Variants in TNN observed in about 807,000 individuals in gnomAD.
TNN encodes tenascin-N.
A neutral mutation model predicts 134.4 loss-of-function variants in TNN; 122 were observed. That is an observed-to-expected ratio of 0.91 (90% CI 0.78 to 1.06). TNN has a LOEUF of 1.06. Ranked by LOEUF, TNN falls within the 50% of genes least tolerant of loss-of-function variation. The probability of loss-of-function intolerance (pLI) is 0.00; values close to 1 mark genes in which losing one functional copy is unlikely to be tolerated. For synonymous variants in TNN, 710 were observed against 670.3 expected (o/e 1.06, Z -0.91); for missense variants, 1,739 against 1,699.4 (o/e 1.02, Z -0.41).
chr1:175,096,053 A>G (rs1419473773), intron 7 of TNN, among the ~76,000 whole-genome samples: 4 of 152,234 alleles, frequency 2.6e-5, no homozygotes, highest in Admixed American at 2.6e-4. Flanking sequence ...TGGCATTCAC[A>G]ATCCTCTGGG....
intron 11 of TNN, among the ~76,000 whole-genome samples, chr1:175,120,600 T>G (rs905465113): frequency 6.6e-6 from 1 of 152,162 alleles, no homozygotes; most frequent in Non-Finnish European, 1.5e-5. Flanking sequence ...AGAGGCATGA[T>G]GAAAGTCAGG....
chr1:175,076,787 A>C (rs1200683473), intron 1 of TNN, among the ~76,000 whole-genome samples: 1 of 152,062 alleles, frequency 6.6e-6, no homozygotes, highest in Non-Finnish European at 1.5e-5. Flanking sequence ...CTGGGGTCAG[A>C]TTGCCTGGGT....
At chr1:175,135,313 A>G (rs1452583685) in intron 15 of TNN, among the ~76,000 whole-genome samples, 1 of 152,230 alleles carries the variant, frequency 6.6e-6, no homozygotes, top group Non-Finnish European at 1.5e-5. Flanking sequence ...TATCTTGCAT[A>G]TTGCCTAGTA....
intron 1 of TNN, among the ~76,000 whole-genome samples, chr1:175,075,460 C>A (rs1442436398): frequency 2.0e-5 from 3 of 152,092 alleles, no homozygotes; most frequent in African/African-American, 2.4e-5. Context: ...CCACACCTGG[C>A]TAATTTTTGT....
intron 11 of TNN, 118 bp downstream of exon 11, chr1:175,118,942 G>A: frequency 7.4e-7 from 1 of 1,351,376 alleles, no homozygotes; most frequent in Admixed American, 2.8e-5. Flanking sequence ...GACTGTTTTA[G>A]GAGAGTTTGC....
rs1209895186 is a variant in TNN, at chr1:175,070,685, C to T, written c.-36+2750C>T. On this transcript the variant is annotated intron_variant, in intron 1 of 18. Coordinates refer to ENST00000239462, the MANE Select transcript of TNN (RefSeq NM_022093.2). ...CTAGAAATAAAAATGTTTGTATGTA[C>T]TTGCTTCTACTGGAGTTTAACCTAG... Among the ~76,000 whole-genome samples, 4 of 152,188 alleles carry T rather than the reference C, an allele frequency of 2.6e-5. No homozygotes were observed. The East Asian group carries it at 7.7e-4, about 29-fold the overall frequency.
Position 175,147,072 on chromosome 1 carries a change from T to C in TNN, c.*1T>C. ...GAGAGGAAGGCTGCGAACGTTCTGA[T>C]GGCCCGTGTGAGCAGTCCTCGCAGG... On this transcript the variant is annotated 3_prime_UTR_variant, in exon 19 of 19. Coordinates refer to ENST00000239462, the MANE Select transcript of TNN (RefSeq NM_022093.2). 6.4e-7 allele frequency: 1 copy of C among 1,573,418 alleles called. No individual in the cohort carries two copies. Among genetic ancestry groups the C allele is most frequent in the East Asian group, 2.3e-5 (1 of 44,314 alleles).
intron 15 of TNN, among the ~76,000 whole-genome samples, chr1:175,132,961 T>C (rs1486280241): frequency 3.3e-5 from 5 of 152,236 alleles, no homozygotes; most frequent in Non-Finnish European, 1.5e-5. Flanking sequence ...AGATAATGTG[T>C]TTTACTTCAA....
At position 175,101,230 on chromosome 1, in the gene TNN, G is replaced by A. The variant is rs183044637; in HGVS notation, c.2119+2635G>A. On this transcript the variant is annotated intron_variant, in intron 9 of 18. Coordinates refer to ENST00000239462, the MANE Select transcript of TNN (RefSeq NM_022093.2). ...GGAGTTTCTTCCTTCTGGTGGGTTC[G>A]TGGTCTCTGGTCTCGCTGGATCAGG... is the stretch of plus-strand genomic sequence containing the variant. Among the ~76,000 whole-genome samples, 12 of 152,114 alleles carry A rather than the reference G, an allele frequency of 7.9e-5. No homozygotes were observed. The East Asian group carries it at 1.4e-3, about 17-fold the overall frequency.
intron 1 of TNN, among the ~76,000 whole-genome samples, chr1:175,075,073 AG>A (rs1674009006): frequency 6.6e-6 from 1 of 152,246 alleles, no homozygotes; most frequent in Admixed American, 6.5e-5. Flanking sequence ...CCTAGTGCGT[AG>A]CAGCAACTCA....
rs763318923 is a variant in TNN, at chr1:175,126,960, G to A, written c.2920G>A (p.Asp974Asn). ...ACCTGACTTTCTACGTACAGAACTCGACCCTCCCAGAAACCTTCGTCCATC... is the reference window on the plus strand; with the variant it reads ...ACCTGACTTTCTACGTACAGAACTCAACCCTCCCAGAAACCTTCGTCCATC... ...KADTKAQTEL[D>N]PPRNLRPSAV... Residue 974 changes from aspartate (D) to asparagine (N), a missense_variant, in exon 13 of 19, where the codon GAC (aspartate) becomes AAC (asparagine). Coordinates refer to ENST00000239462, the MANE Select transcript of TNN (RefSeq NM_022093.2). 180 of 1,611,574 alleles carry A rather than the reference G, an allele frequency of 1.1e-4. No individual in the cohort carries two copies. The highest frequency in any genetic ancestry group is 1.4e-4 in the Non-Finnish European group (166 of 1,179,332).
intron 5 of TNN, among the ~76,000 whole-genome samples, chr1:175,084,827 A>T (rs1182925045): frequency 1.3e-5 from 2 of 152,104 alleles, no homozygotes; most frequent in Non-Finnish European, 2.9e-5. Flanking sequence ...CAGAGAAATA[A>T]CTTTTTTTTA....
Position 175,144,461 on chromosome 1 carries a change from T to G in TNN, c.3670T>G (p.Cys1224Gly). The G allele has an allele frequency of 6.2e-7, 1 of 1,614,234 alleles. No homozygotes were observed. Among genetic ancestry groups the G allele is most frequent in the Non-Finnish European group, 8.5e-7 (1 of 1,180,034 alleles). ...DRDNDIALSN[C>G]ALTHHGGWWY... Reference sequence around the variant, plus strand: ...AGACAATGATATCGCACTCAGCAACTGTGCCCTGACACATCATGGTGGCTG... The same window carrying G: ...AGACAATGATATCGCACTCAGCAACGGTGCCCTGACACATCATGGTGGCTG... Residue 1224 changes from cysteine (C) to glycine (G), a missense_variant, in exon 18 of 19, where the codon TGT (cysteine) becomes GGT (glycine). By Grantham distance (159) the Cys-to-Gly change is radical. Coordinates refer to ENST00000239462, the MANE Select transcript of TNN (RefSeq NM_022093.2).
chr1:175,128,078 T>C lies in TNN; in HGVS notation c.3092T>C (p.Leu1031Pro), dbSNP rs936935957. The C allele has an allele frequency of 2.0e-5, 32 of 1,614,134 alleles. No homozygotes were observed. In the East Asian group the frequency reaches 7.1e-4, roughly 36 times the overall value. Reference protein sequence around the residue: ...REDQRFALQGLEQGATYPVSL... With the variant: ...REDQRFALQGPEQGATYPVSL... ...GACCAGAGGTTTGCGTTGCAAGGCC[T>C]TGAGCAAGGCGCCACCTACCCTGTC... Residue 1031 changes from leucine (L) to proline (P), a missense_variant, in exon 14 of 19, where the codon CTT becomes CCT. By Grantham distance (98) the Leu-to-Pro change is moderately conservative. Coordinates refer to ENST00000239462, the MANE Select transcript of TNN (RefSeq NM_022093.2).
intron 11 of TNN, among the ~76,000 whole-genome samples, chr1:175,119,032 G>A (rs1675271382): frequency 6.6e-6 from 1 of 152,238 alleles, no homozygotes; most frequent in Non-Finnish European, 1.5e-5. Context: ...AGAACAACGT[G>A]TTATAGGAAA....
chr1:175,099,175 T>C lies in TNN; in HGVS notation c.2119+580T>C, dbSNP rs146956624. 2.4e-3 allele frequency among the ~76,000 whole-genome samples: 360 copies of C among 152,342 alleles called. 2 individuals are homozygous for C. Among genetic ancestry groups the C allele is most frequent in the African/African-American group, 8.4e-3 (350 of 41,596 alleles). The stretch of plus-strand genomic sequence containing the variant: ...CCTCTCTCTCGACTTGGGCCACCTG[T>C]GGGCCAGCTGCCTGCTCCAGGCAGG... On this transcript the variant is annotated intron_variant, in intron 9 of 18. Coordinates refer to ENST00000239462, the MANE Select transcript of TNN (RefSeq NM_022093.2).
At chr1:175,116,664 A>C (rs1574163494) in intron 9 of TNN, among the ~76,000 whole-genome samples, 1 of 152,160 alleles carries the variant, frequency 6.6e-6, no homozygotes, top group Admixed American at 6.5e-5. Context: ...CCTGGCTCCA[A>C]CCTGCACCTC....
At chr1:175,126,453 A>G (rs908218545) in intron 12 of TNN, among the ~76,000 whole-genome samples, 1 of 152,124 alleles carries the variant, frequency 6.6e-6, no homozygotes, top group African/African-American at 2.4e-5. Context: ...TATTCTACTT[A>G]GGGTAAGCTC....
intron 9 of TNN, among the ~76,000 whole-genome samples, chr1:175,109,008 C>T (rs148593929): frequency 0.018 from 2,742 of 150,898 alleles, 80 homozygotes; most frequent in African/African-American, 0.063. Flanking sequence ...ACTGCCAGCA[C>T]GCTGTCACCT....
Sources: allele counts gnomAD v4.1 joint callset (sites outside exome capture counted in the v4.1 genomes callset), GRCh38; gene constraint gnomAD v4.1.1; transcripts MANE v1.5; gene names NCBI Gene and HGNC (gene_info 2026-07-23, HGNC 2026-07-21).